Variants in SUPT3H observed in about 807,000 individuals in gnomAD.
The protein encoded by SUPT3H is transcription initiation protein SPT3 homolog.
A neutral mutation model predicts 44.3 loss-of-function variants in SUPT3H; 44 were observed. The ratio of observed to expected loss-of-function variants is 0.99; its 90% confidence interval spans 0.78 to 1.28. SUPT3H has a LOEUF of 1.28. Among genes scored for constraint, SUPT3H ranks in the 50% most tolerant of loss-of-function variants. SUPT3H has a pLI of 0.00. For missense variants in SUPT3H, 380 were observed against 387.1 expected (o/e 0.98, Z 0.15); for synonymous variants, 124 against 125.6 (o/e 0.99, Z 0.09).
intron 6 of SUPT3H, among the ~76,000 whole-genome samples, chr6:44,963,352 G>C (rs1302912873): frequency 6.6e-6 from 1 of 152,074 alleles, no homozygotes; most frequent in Non-Finnish European, 1.5e-5. Context: ...ACAAAAATTA[G>C]CTGGACATGG....
At chr6:45,028,262 G>A (rs1786339989) in intron 3 of SUPT3H, among the ~76,000 whole-genome samples, 1 of 152,074 alleles carries the variant, frequency 6.6e-6, no homozygotes. Flanking sequence ...ATGGCACAGG[G>A]GTAGCTAATG....
intron 3 of SUPT3H, among the ~76,000 whole-genome samples, chr6:45,101,763 T>C (rs1369693799): frequency 2.0e-5 from 3 of 152,036 alleles, no homozygotes. Flanking sequence ...GCCCCATAAA[T>C]ATGTACAATT....
intron 2 of SUPT3H, chr6:45,158,936 C>T (rs781570388): frequency 6.6e-6 from 1 of 152,170 alleles, no homozygotes; most frequent in Non-Finnish European, 1.5e-5. Flanking sequence ...AGCAAAAGGA[C>T]TCAAATCCAA....
At chr6:44,888,008 A>C (rs1303882945) in intron 10 of SUPT3H, among the ~76,000 whole-genome samples, 4 of 152,226 alleles carry the variant, frequency 2.6e-5, no homozygotes, top group African/African-American at 9.6e-5. Flanking sequence ...CAAATAAACT[A>C]GAAAATCTAG....
At chr6:45,340,949 CAT>C (rs1789653107) in intron 2 of SUPT3H, among the ~76,000 whole-genome samples, 1 of 152,136 alleles carries the variant, frequency 6.6e-6, no homozygotes, top group Non-Finnish European at 1.5e-5. Context: ...TACCCCTACA[CAT>C]ATGCTAAGTG....
intron 2 of SUPT3H, among the ~76,000 whole-genome samples, chr6:45,284,984 A>C (rs1778959112): frequency 6.6e-6 from 1 of 152,146 alleles, no homozygotes; most frequent in Admixed American, 6.5e-5. Flanking sequence ...AGAACCAAAG[A>C]CAAAAACCAC....
At chr6:45,144,660 C>G (rs1488334337) in intron 2 of SUPT3H, among the ~76,000 whole-genome samples, 1 of 151,950 alleles carries the variant, frequency 6.6e-6, no homozygotes, top group Non-Finnish European at 1.5e-5. Context: ...CCAGAGCAAT[C>G]AGACAAAAAC....
intron 2 of SUPT3H, among the ~76,000 whole-genome samples, chr6:45,360,961 C>T (rs1794146545): frequency 6.6e-6 from 1 of 152,064 alleles, no homozygotes; most frequent in African/African-American, 2.4e-5. Flanking sequence ...CAGTTCCTGC[C>T]ATATAATAAG....
intron 3 of SUPT3H, among the ~76,000 whole-genome samples, chr6:45,031,539 T>C (rs923435881): frequency 6.6e-6 from 1 of 152,194 alleles, no homozygotes; most frequent in African/African-American, 2.4e-5. Context: ...TGAAATACAA[T>C]GCACACATTA....
intron 3 of SUPT3H, among the ~76,000 whole-genome samples, chr6:45,069,726 C>G (rs1794077814): frequency 6.6e-6 from 1 of 152,028 alleles, no homozygotes. Flanking sequence ...ATTAACTCAA[C>G]AAAATTATAT....
At position 44,856,141 on chromosome 6, in the gene SUPT3H, G is replaced by A. The variant is rs112993717; in HGVS notation, c.913-26284C>T. Among the ~76,000 whole-genome samples, 1,377 of 152,274 alleles carry A rather than the reference G, an allele frequency of 9.0e-3. 14 individuals are homozygous for A. Among genetic ancestry groups the A allele is most frequent in the South Asian group, 0.028 (137 of 4,830 alleles). ...TGCTGAATAAGAAAGGAAGAAAACC[G>A]CTTGTACTCAGTTGTCCTTTGCTTC... On this transcript the variant is annotated intron_variant, in intron 10 of 10. Coordinates refer to ENST00000371459, the MANE Select transcript of SUPT3H (RefSeq NM_003599.4).
intron 3 of SUPT3H, among the ~76,000 whole-genome samples, chr6:45,056,897 T>A (rs1026389901): frequency 6.6e-6 from 1 of 151,644 alleles, no homozygotes; most frequent in African/African-American, 2.4e-5. Context: ...TTACCAGATA[T>A]GCAAAGAAAG....
intron 2 of SUPT3H, among the ~76,000 whole-genome samples, chr6:45,135,021 A>G (rs1804054900): frequency 6.6e-6 from 1 of 152,212 alleles, no homozygotes; most frequent in Non-Finnish European, 1.5e-5. Context: ...CACCTGCAGA[A>G]TTAGCAAAGT....
chr6:44,870,847 G>A (rs943699591), intron 10 of SUPT3H, among the ~76,000 whole-genome samples: 2 of 151,700 alleles, frequency 1.3e-5, no homozygotes, highest in African/African-American at 2.4e-5. Context: ...AAGCGCAAGG[G>A]GTCAGGGAGT....
chr6:45,192,026 ACTG>A (rs1815224633), intron 2 of SUPT3H, among the ~76,000 whole-genome samples: 1 of 152,148 alleles, frequency 6.6e-6, no homozygotes, highest in Non-Finnish European at 1.5e-5. Context: ...TGTCAGAGAA[ACTG>A]CTATGTCGAA....
At chr6:45,107,675 T>C (rs1018566343) in intron 2 of SUPT3H, among the ~76,000 whole-genome samples, 1 of 152,166 alleles carries the variant, frequency 6.6e-6, no homozygotes, top group Admixed American at 6.5e-5. Context: ...ATTCATTTGT[T>C]GAAGAACATA....
At chr6:44,998,595 A>G (rs563164779) in intron 6 of SUPT3H, among the ~76,000 whole-genome samples, 45 of 152,044 alleles carry the variant, frequency 3.0e-4, no homozygotes, top group African/African-American at 9.9e-4. Context: ...TGGGCATTCT[A>G]GAATTAAATT....
intron 3 of SUPT3H, among the ~76,000 whole-genome samples, chr6:45,051,435 A>G (rs890924117): frequency 1.3e-5 from 2 of 152,106 alleles, no homozygotes; most frequent in South Asian, 2.1e-4. Flanking sequence ...GGTATAACAC[A>G]TCATCCAGGA....
chr6:44,856,204 G>T (rs1273483235), intron 10 of SUPT3H, among the ~76,000 whole-genome samples: 1 of 152,164 alleles, frequency 6.6e-6, no homozygotes, highest in Admixed American at 6.6e-5. Context: ...GAATGAATAA[G>T]TGAAAAGGGA....
Sources: gnomAD v4.1 joint callset for allele counts (sites outside exome capture counted in the v4.1 genomes callset) on GRCh38, gnomAD v4.1.1 for gene constraint, MANE v1.5 for transcripts, NCBI Gene and HGNC (gene_info 2026-07-23, HGNC 2026-07-21) for gene names.